CDH18: variants seen among roughly 807,000 people sequenced by gnomAD.
CDH18 encodes the protein cadherin-18.
A neutral mutation model predicts 67.9 loss-of-function variants in CDH18; 31 were observed. The ratio of observed to expected loss-of-function variants is 0.46; its 90% confidence interval spans 0.34 to 0.62. The LOEUF (loss-of-function observed/expected upper bound fraction) is 0.62. CDH18 is among the 20% of genes least tolerant of loss of function. CDH18 has a pLI of 0.01. For synonymous variants in CDH18, 362 were observed against 347.2 expected (o/e 1.04, Z -0.48); for missense variants, 890 against 975.5 (o/e 0.91, Z 1.17).
rs1739944522 is a variant in CDH18 at position 20,338,128 on chromosome 5, TGA to T, written c.-579-82625_-579-82624del. Reference sequence around the variant, plus strand: ...TCCAACAATAGGTGGGATTTCAAGATGAGATTTGGGTGGAGGCACAGCCAAAC... The same window carrying T: ...TCCAACAATAGGTGGGATTTCAAGATGATTTGGGTGGAGGCACAGCCAAAC... On this transcript the variant is annotated intron_variant, in intron 1 of 14. Transcript: ENST00000507958. Among the ~76,000 whole-genome samples, 4 of 152,210 alleles carry T rather than the reference TGA, an allele frequency of 2.6e-5. No homozygotes were observed. In the South Asian group the frequency reaches 8.3e-4, roughly 32 times the overall value.
chr5:19,824,822 G>T (rs75704917), intron 3 of CDH18, among the ~76,000 whole-genome samples: 1,555 of 152,198 alleles, frequency 0.01, 24 homozygotes, highest in African/African-American at 0.035. Context: ...TAGCTGTGTG[G>T]GCAACACTTG....
chr5:19,935,795 ACT>A (rs70954623), intron 2 of CDH18, among the ~76,000 whole-genome samples: 1,540 of 117,034 alleles, frequency 0.013, 3 homozygotes, highest in African/African-American at 0.015. Flanking sequence ...ACAGTCAGGA[ACT>A]CTCTCTCTCT....
intron 1 of CDH18, among the ~76,000 whole-genome samples, chr5:20,274,718 A>G (rs1296705084): frequency 6.6e-6 from 1 of 152,210 alleles, no homozygotes; most frequent in African/African-American, 2.4e-5. Context: ...AAAACCAATT[A>G]AATGAATTCC....
intron 2 of CDH18, among the ~76,000 whole-genome samples, chr5:20,022,727 T>A (rs1255328841): frequency 1.3e-5 from 2 of 152,184 alleles, no homozygotes; most frequent in African/African-American, 4.8e-5. Flanking sequence ...TTTTGTACCA[T>A]AGGTAATTTA....
intron 2 of CDH18, among the ~76,000 whole-genome samples, chr5:20,028,532 A>T (rs113089586): frequency 0.02 from 3,033 of 152,258 alleles, 45 homozygotes; most frequent in African/African-American, 0.033. Context: ...TTCAGGCAAG[A>T]AAAAAGAAGT....
intron 3 of CDH18, among the ~76,000 whole-genome samples, chr5:19,772,552 C>G (rs2149744537): frequency 6.6e-6 from 1 of 152,288 alleles, no homozygotes; most frequent in East Asian, 1.9e-4. Context: ...AAAAGCAGCC[C>G]TGTCCACACC....
At chr5:20,529,654 T>C (rs1408301306) in intron 1 of CDH18, among the ~76,000 whole-genome samples, 2 of 152,052 alleles carry the variant, frequency 1.3e-5, no homozygotes, top group African/African-American at 4.8e-5. Flanking sequence ...ATTATCTCAA[T>C]AGACACAGAA....
chr5:20,571,285 A>T (rs1411792113), intron 1 of CDH18, among the ~76,000 whole-genome samples: 1 of 152,120 alleles, frequency 6.6e-6, no homozygotes, highest in Non-Finnish European at 1.5e-5. Flanking sequence ...GTTTCTATAC[A>T]GTTGTTGCAT....
intron 2 of CDH18, among the ~76,000 whole-genome samples, chr5:20,220,256 A>C (rs1741119140): frequency 6.6e-6 from 1 of 152,028 alleles, no homozygotes; most frequent in South Asian, 2.1e-4. Context: ...GCAAAACAAC[A>C]ATGTAGTGAT....
chr5:20,185,869 T>TG (rs1738058789), intron 2 of CDH18, among the ~76,000 whole-genome samples: 1 of 151,546 alleles, frequency 6.6e-6, no homozygotes, highest in South Asian at 2.1e-4. Flanking sequence ...TTATCTATTT[T>TG]TTTTTCCCGT....
At chr5:20,413,704 G>T (rs894533513) in intron 1 of CDH18, among the ~76,000 whole-genome samples, 3 of 152,124 alleles carry the variant, frequency 2.0e-5, no homozygotes, top group Non-Finnish European at 4.4e-5. Context: ...TGTAGGTTCT[G>T]GATATTAGCC....
chr5:19,843,781 C>G (rs1782612727), intron 2 of CDH18, among the ~76,000 whole-genome samples: 1 of 152,192 alleles, frequency 6.6e-6, no homozygotes, highest in South Asian at 2.1e-4. Flanking sequence ...GCCATGGGAG[C>G]CCAACCTTTG....
intron 2 of CDH18, among the ~76,000 whole-genome samples, chr5:19,907,479 T>A (rs1239097084): frequency 6.6e-6 from 1 of 152,002 alleles, no homozygotes; most frequent in South Asian, 2.1e-4. Context: ...ATTTTGAGCA[T>A]GAAACAAAAT....
At chr5:20,053,189 G>T (rs1174199758) in intron 2 of CDH18, among the ~76,000 whole-genome samples, 1 of 151,224 alleles carries the variant, frequency 6.6e-6, no homozygotes, top group Non-Finnish European at 1.5e-5. Flanking sequence ...TTAAAATAAG[G>T]TATCTATCTA....
At chr5:19,793,769 T>A (rs1195926415) in intron 3 of CDH18, among the ~76,000 whole-genome samples, 1 of 151,936 alleles carries the variant, frequency 6.6e-6, no homozygotes, top group Non-Finnish European at 1.5e-5. Context: ...TAAGAGAGGA[T>A]CTGAGAATAA....
chr5:20,529,422 C>A (rs962098862), intron 1 of CDH18, among the ~76,000 whole-genome samples: 2 of 151,966 alleles, frequency 1.3e-5, no homozygotes, highest in African/African-American at 4.8e-5. Context: ...CAAAACCTGG[C>A]AGAGATACAA....
intron 2 of CDH18, among the ~76,000 whole-genome samples, chr5:19,910,237 T>G (rs1790980117): frequency 6.6e-6 from 1 of 152,196 alleles, no homozygotes; most frequent in Non-Finnish European, 1.5e-5. Context: ...TGATATATAT[T>G]CTAGTGAACT....
At chr5:20,125,135 G>A (rs1014579480) in intron 2 of CDH18, among the ~76,000 whole-genome samples, 48 of 152,150 alleles carry the variant, frequency 3.2e-4, no homozygotes, top group African/African-American at 1.1e-3. Context: ...AATAAACAAG[G>A]ATACTTCCTA....
At position 19,590,527 on chromosome 5, in the gene CDH18, T is replaced by C. The variant is rs1026474509; in HGVS notation, c.999+530A>G. Among the ~76,000 whole-genome samples the C allele has an allele frequency of 2.8e-3, 360 of 126,402 alleles. 1 individual carries two copies. The highest frequency in any genetic ancestry group is 9.8e-3 in the African/African-American group (340 of 34,694). 82.9% of individuals were successfully genotyped at this position (126,402 alleles called of 152,430 possible). On this transcript the variant is annotated intron_variant, in intron 7 of 12. Transcript: ENST00000382275. Reference sequence around the variant, plus strand: ...ATAGATAGACAGACAGACAGATAGATAGATAGATAGACAACAGGCTCACAT... The same window carrying C: ...ATAGATAGACAGACAGACAGATAGACAGATAGATAGACAACAGGCTCACAT...
Sources: allele counts gnomAD v4.1 joint callset (sites outside exome capture counted in the v4.1 genomes callset), GRCh38; gene constraint gnomAD v4.1.1; transcripts MANE v1.5; gene names NCBI Gene and HGNC (gene_info 2026-07-23, HGNC 2026-07-21).